Variants in SKI observed in about 807,000 individuals in gnomAD.
SKI encodes ski oncogene.
Under a neutral mutation model 59.3 loss-of-function variants are expected in SKI, and 23 were observed. That is an observed-to-expected ratio of 0.39 (90% confidence interval 0.28 to 0.55). SKI has a LOEUF of 0.55. Ranked by LOEUF, SKI falls within the 20% of genes least tolerant of loss-of-function variation. The pLI is 0.67. For synonymous variants in SKI, 673 were observed against 488.6 expected, an observed-to-expected ratio of 1.38 and a Z score of -4.98; for missense variants, 1,017 against 1,038.9, an observed-to-expected ratio of 0.98 and a Z score of 0.29.
In SKI at chr1:2,307,233, G is replaced by A. The variant is rs1257819925; in HGVS notation, c.*468G>A. 7.1e-6 allele frequency: 1 copy of A among 141,062 alleles called. No individual in the cohort carries two copies. Among genetic ancestry groups the A allele is most frequent in the African/African-American group, 2.6e-5 (1 of 39,076 alleles). The allele number at this position is 141,062 out of a possible 1,614,324, so 8.7% of individuals were successfully genotyped here. A position where few individuals can be genotyped will look rare whatever the true frequency, so the allele number is the denominator to read the frequency against. On this transcript the variant is annotated 3_prime_UTR_variant, in exon 7 of 7. Transcript: ENST00000378536. ...AAGCCATCACAGCTCATCTGCCCGC[G>A]GCTGCGTGAGGACAGCAGGGGTTTT...
chr1:2,300,165 G>C (rs546165023), intron 1 of SKI, among the ~76,000 whole-genome samples: 1 of 152,250 alleles, frequency 6.6e-6, no homozygotes, highest in Non-Finnish European at 1.5e-5. Flanking sequence ...TAGCTTGCCT[G>C]GTCATCCTCG....
chr1:2,247,996 G>C (rs373448301), intron 1 of SKI: 1 of 152,168 alleles, frequency 6.6e-6, no homozygotes, highest in African/African-American at 2.4e-5. Context: ...TGGTGGTGAC[G>C]GGGGGGCGCG....
At chr1:2,260,535 CTTTTTTTTTTT>C (rs3065260) in intron 1 of SKI, among the ~76,000 whole-genome samples, 5 of 67,820 alleles carry the variant, frequency 7.4e-5, no homozygotes, top group East Asian at 4.6e-4. Context: ...TGTTCTTTTT[CTTTTTTTTTTT>C]TTTTTTTTTT....
At position 2,310,139 on chromosome 1, in the gene SKI, AT is replaced by A. The variant is rs1442259708; in HGVS notation, c.*3377del. 6.6e-6 allele frequency: 1 copy of A among 151,814 alleles called. No homozygotes were observed. The highest frequency in any genetic ancestry group is 1.9e-4 in the East Asian group (1 of 5,148). 9.4% of individuals were successfully genotyped at this position (151,814 alleles called of 1,614,324 possible). On this transcript the variant is annotated 3_prime_UTR_variant, in exon 7 of 7. Transcript: ENST00000378536. ...AGAAAAGAGCTTGGCATATTTATCT[AT>A]TTCGCTGTGTACCTGTTAGTCCTTC...
chr1:2,263,584 T>C (rs533254101), intron 1 of SKI, among the ~76,000 whole-genome samples: 18 of 152,186 alleles, frequency 1.2e-4, no homozygotes, highest in African/African-American at 4.1e-4. Flanking sequence ...TGTGTTTTTT[T>C]TTCTTCTTCT....
At chr1:2,283,419 C>T (rs776240049) in intron 1 of SKI, among the ~76,000 whole-genome samples, 3 of 152,168 alleles carry the variant, frequency 2.0e-5, no homozygotes, top group Non-Finnish European at 2.9e-5. Context: ...TGGCAAGCAT[C>T]GCCTTTTGAG....
intron 1 of SKI, among the ~76,000 whole-genome samples, chr1:2,279,329 G>A (rs79942186): frequency 0.028 from 4,220 of 152,246 alleles, 104 homozygotes; most frequent in East Asian, 0.14. Flanking sequence ...CTCTGATGAC[G>A]GTGGGCGTCC....
At chr1:2,278,134 C>A (rs1639786441) in intron 1 of SKI, among the ~76,000 whole-genome samples, 1 of 152,184 alleles carries the variant, frequency 6.6e-6, no homozygotes, top group Non-Finnish European at 1.5e-5. Flanking sequence ...TTCTTAGGAG[C>A]CCAGTGTCCC....
chr1:2,272,868 C>T lies in SKI; in HGVS notation c.970-30110C>T, dbSNP rs1250190542. 2.0e-5 allele frequency among the ~76,000 whole-genome samples: 3 copies of T among 152,188 alleles called. No homozygotes were observed. In the East Asian group the frequency reaches 5.8e-4, roughly 29 times the overall value. ...ACGCCCCGAGCCTCGCCCTCCCACGCCCCTCCTGCCCCCGAGGCTCGCTGG... is the reference window on the plus strand; with the variant it reads ...ACGCCCCGAGCCTCGCCCTCCCACGTCCCTCCTGCCCCCGAGGCTCGCTGG... On this transcript the variant is annotated intron_variant, in intron 1 of 6. Transcript: ENST00000378536.
intron 1 of SKI, among the ~76,000 whole-genome samples, chr1:2,291,471 T>TG (rs1640160909): frequency 6.6e-6 from 1 of 152,224 alleles, no homozygotes; most frequent in Admixed American, 6.5e-5. Flanking sequence ...ATGGAGCCCA[T>TG]GGCAGCACTG....
intron 1 of SKI, among the ~76,000 whole-genome samples, chr1:2,302,563 C>G (rs1479367764): frequency 6.6e-6 from 1 of 152,070 alleles, no homozygotes; most frequent in Admixed American, 6.5e-5. Flanking sequence ...GCTGGGCACC[C>G]TCTGAGGACA....
chr1:2,239,023 T>C (rs1212896221), intron 1 of SKI, among the ~76,000 whole-genome samples: 1 of 152,208 alleles, frequency 6.6e-6, no homozygotes, highest in East Asian at 1.9e-4. Flanking sequence ...GTTGTGCCGT[T>C]GGCAGTGCCT....
At chr1:2,240,463 T>C (rs966043187) in intron 1 of SKI, 4 of 984,824 alleles carry the variant, frequency 4.1e-6, no homozygotes, top group African/African-American at 1.7e-5. Context: ...GCTGTCACAA[T>C]GTTGCCTGGC....
intron 1 of SKI, among the ~76,000 whole-genome samples, chr1:2,299,439 C>T (rs897618219): frequency 6.6e-6 from 1 of 152,198 alleles, no homozygotes. Context: ...TCTGGAGTGG[C>T]TCAGGTGCCT....
intron 1 of SKI, among the ~76,000 whole-genome samples, chr1:2,236,086 C>T (rs1638744794): frequency 6.6e-6 from 1 of 152,214 alleles, no homozygotes; most frequent in Non-Finnish European, 1.5e-5. Flanking sequence ...CTCGGTGCCT[C>T]TGCAGCTGCA....
At position 2,309,419 on chromosome 1, in the gene SKI, G is replaced by A. The variant is rs532247242; in HGVS notation, c.*2654G>A. On this transcript the variant is annotated 3_prime_UTR_variant, in exon 7 of 7. Coordinates refer to ENST00000378536, the MANE Select transcript of SKI (RefSeq NM_003036.4). The stretch of plus-strand genomic sequence containing the variant: ...CTCATACACGTAATGTCTGCTTTTC[G>A]TACAGAACTAGCCAATGTAAAAACA... 6.6e-6 allele frequency: 1 copy of A among 152,108 alleles called. No individual in the cohort carries two copies. Among genetic ancestry groups the A allele is most frequent in the African/African-American group, 2.4e-5 (1 of 41,406 alleles). 9.4% of individuals were successfully genotyped at this position (152,108 alleles called of 1,614,324 possible).
At chr1:2,255,247 C>T (rs1639248902) in intron 1 of SKI, among the ~76,000 whole-genome samples, 1 of 152,130 alleles carries the variant, frequency 6.6e-6, no homozygotes, top group Non-Finnish European at 1.5e-5. Flanking sequence ...CCCCACGTAC[C>T]TGAGTGTGAC....
At chr1:2,237,224 AG>A (rs988193797) in intron 1 of SKI, among the ~76,000 whole-genome samples, 5 of 151,922 alleles carry the variant, frequency 3.3e-5, no homozygotes, top group African/African-American at 1.2e-4. Context: ...GGAGTGGGTG[AG>A]GGGTGGTGGG....
At chr1:2,263,419 A>G (rs1040257683) in intron 1 of SKI, among the ~76,000 whole-genome samples, 29 of 148,218 alleles carry the variant, frequency 2.0e-4, no homozygotes, top group Admixed American at 8.1e-4. Flanking sequence ...TGTATTTTTA[A>G]TAGAGACGGG....
Sources: allele counts gnomAD v4.1 joint callset (sites outside exome capture counted in the v4.1 genomes callset), GRCh38; gene constraint gnomAD v4.1.1; transcripts MANE v1.5; gene names NCBI Gene and HGNC (gene_info 2026-07-23, HGNC 2026-07-21).